The following FNBP1 variants were observed in gnomAD, a reference collection of about 807,000 sequenced individuals.
FNBP1 encodes the protein formin-binding protein 1.
In FNBP1, 26 loss-of-function variants were observed where a neutral mutation model predicts 90.6. The ratio of observed to expected loss-of-function variants is 0.29; its 90% CI spans 0.21 to 0.40. FNBP1 has a LOEUF of 0.40. Among genes scored for constraint, FNBP1 ranks in the 10% least tolerant of loss-of-function variants. The pLI is 1.00. For synonymous variants in FNBP1, 260 were observed against 265.2 expected, an observed-to-expected ratio of 0.98 and a Z score of 0.19; for missense variants, 635 against 768.0, an observed-to-expected ratio of 0.83 and a Z score of 2.05.
intron 16 of FNBP1, among the ~76,000 whole-genome samples, chr9:129,892,376 C>G (rs1324175920): frequency 6.1e-5 from 4 of 65,842 alleles, no homozygotes; most frequent in Non-Finnish European, 1.3e-4. Flanking sequence ...GACACACACA[C>G]ACACACACAC....
intron 6 of FNBP1, among the ~76,000 whole-genome samples, chr9:129,955,661 T>C (rs1476704422): frequency 6.6e-6 from 1 of 151,736 alleles, no homozygotes; most frequent in Non-Finnish European, 1.5e-5. Flanking sequence ...ACAGAGGTTG[T>C]TGTTAGCCAA....
intron 6 of FNBP1, among the ~76,000 whole-genome samples, chr9:129,951,383 C>G (rs1048251183): frequency 4.6e-5 from 7 of 151,972 alleles, no homozygotes; most frequent in African/African-American, 1.7e-4. Context: ...TGTGAGCCAT[C>G]ATGCCCAGGT....
intron 6 of FNBP1, among the ~76,000 whole-genome samples, chr9:129,941,034 G>T (rs2044244123): frequency 1.3e-5 from 2 of 152,238 alleles, no homozygotes; most frequent in Admixed American, 1.3e-4. Context: ...ATACCAAAGG[G>T]AAATACAAGG....
At chr9:130,011,825 G>A (rs564363201) in intron 1 of FNBP1, among the ~76,000 whole-genome samples, 3 of 152,232 alleles carry the variant, frequency 2.0e-5, no homozygotes, top group South Asian at 4.1e-4. Flanking sequence ...ATATATTATA[G>A]ATATATCAAT....
rs2059801346 is a variant in FNBP1, at chr9:130,041,288, ATTCAC to A, written c.24+1659_24+1663del. Among the ~76,000 whole-genome samples, 1 of 152,070 alleles carries A rather than the reference ATTCAC, an allele frequency of 6.6e-6. No individual in the cohort carries two copies. The highest frequency in any genetic ancestry group is 6.6e-5 in the Admixed American group (1 of 15,252). ...TCTCTTTGGAATTATATTCTATCCCATTCACCAACATCACTGAACTGTCCACCAAG... is the reference window on the plus strand; with the variant it reads ...TCTCTTTGGAATTATATTCTATCCCACAACATCACTGAACTGTCCACCAAG... On this transcript the variant is annotated intron_variant, in intron 1 of 16. Transcript: ENST00000446176. This position sits in a 1 kb window ranked among gnomAD's most constrained non-coding sequence, Gnocchi z 4.3.
chr9:129,888,484 C>T lies in FNBP1; in HGVS notation c.*2055G>A, dbSNP rs757001814. 2 of 232,800 alleles carry T rather than the reference C, an allele frequency of 8.6e-6. No individual in the cohort carries two copies. Among genetic ancestry groups the T allele is most frequent in the Non-Finnish European group, 1.7e-5 (2 of 117,766 alleles). The allele number at this position is 232,800 out of a possible 1,614,324, so 14.4% of individuals were successfully genotyped here. A position where few individuals can be genotyped will look rare whatever the true frequency, so the allele number is the denominator to read the frequency against. Reference sequence around the variant, plus strand: ...CCTGACTCTTCTCACCCTGTGTCATCCGGGCTTGTCTTTCGTCTGTCAAGT... The same window carrying T: ...CCTGACTCTTCTCACCCTGTGTCATTCGGGCTTGTCTTTCGTCTGTCAAGT... On this transcript the variant is annotated 3_prime_UTR_variant, in exon 17 of 17. Coordinates refer to ENST00000446176, the MANE Select transcript of FNBP1 (RefSeq NM_015033.3).
At chr9:130,017,826 T>C (rs182761416) in intron 1 of FNBP1, among the ~76,000 whole-genome samples, 1 of 137,210 alleles carries the variant, frequency 7.3e-6, no homozygotes, top group South Asian at 2.6e-4. Context: ...TGAGACTCCA[T>C]CAAAAAAATA....
intron 1 of FNBP1, chr9:130,013,670 TA>T (rs775682887): frequency 9.7e-5 from 44 of 454,388 alleles, no homozygotes; most frequent in East Asian, 1.4e-4. Context: ...TAATTCATGC[TA>T]AAAAAAATAT....
chr9:129,973,924 C>T (rs1159746570), intron 4 of FNBP1, among the ~76,000 whole-genome samples: 1 of 151,868 alleles, frequency 6.6e-6, no homozygotes, highest in Non-Finnish European at 1.5e-5. Context: ...AATTCTTGTA[C>T]CTCAGCCTCC....
At chr9:129,929,495 G>T in intron 7 of FNBP1, 72 bp downstream of exon 7, 2 of 1,358,154 alleles carry the variant, frequency 1.5e-6, no homozygotes, top group South Asian at 1.3e-5. Context: ...CAGCAATCAC[G>T]ATTCAGAAGT....
chr9:129,921,850 T>C (rs1447993396), intron 10 of FNBP1, among the ~76,000 whole-genome samples: 1 of 152,208 alleles, frequency 6.6e-6, no homozygotes, highest in Non-Finnish European at 1.5e-5. Flanking sequence ...AGTTGTAGTT[T>C]AGAATCTTTT....
intron 16 of FNBP1, among the ~76,000 whole-genome samples, chr9:129,894,791 G>A (rs1380115204): frequency 1.3e-5 from 2 of 152,196 alleles, no homozygotes; most frequent in African/African-American, 4.8e-5. Flanking sequence ...CAGGTGCGGT[G>A]GCTCACGCCT....
intron 1 of FNBP1, among the ~76,000 whole-genome samples, chr9:130,000,585 AT>A (rs1420771513): frequency 1.3e-5 from 2 of 151,986 alleles, no homozygotes; most frequent in African/African-American, 2.4e-5. Flanking sequence ...CTTGTAAAAT[AT>A]TTTTTTTGAA....
At chr9:129,909,064 G>A (rs200987010) in intron 11 of FNBP1, 65 bp from the exon 12 acceptor site, 154 of 1,081,510 alleles carry the variant, frequency 1.4e-4, no homozygotes, top group Non-Finnish European at 2.1e-5. Context: ...AAGGCTGAAA[G>A]CAAAGCCTGC....
the FNBP1 span, among the ~76,000 whole-genome samples, chr9:130,048,641 G>A: frequency 6.6e-6 from 1 of 150,986 alleles, no homozygotes; most frequent in African/African-American, 2.4e-5. Context: ...ATCACGCCCG[G>A]CTAATTTTTT....
At chr9:129,897,759 G>T (rs146591577) in intron 15 of FNBP1, among the ~76,000 whole-genome samples, 2,689 of 151,720 alleles carry the variant, frequency 0.018, 32 homozygotes, top group Middle Eastern at 0.024. Flanking sequence ...CTTCTTTCAT[G>T]GCCTCCTTAT....
chr9:129,977,111 A>G (rs2050447454), intron 4 of FNBP1, among the ~76,000 whole-genome samples: 1 of 151,628 alleles, frequency 6.6e-6, no homozygotes, highest in African/African-American at 2.4e-5. Flanking sequence ...GGGAGTCGAG[A>G]TCGCACCACT....
At chr9:129,912,690 CAAAA>C (rs35355384) in intron 11 of FNBP1, among the ~76,000 whole-genome samples, 1 of 108,260 alleles carries the variant, frequency 9.2e-6, no homozygotes. Context: ...AACTCCATCT[CAAAA>C]AAAAAAAAAA....
intron 4 of FNBP1, among the ~76,000 whole-genome samples, chr9:129,958,889 G>A (rs2047344511): frequency 6.8e-6 from 1 of 146,804 alleles, no homozygotes; most frequent in Non-Finnish European, 1.5e-5. Flanking sequence ...GGCTGAGGTG[G>A]GAGGATCACC....
Sources: allele counts gnomAD v4.1 joint callset (sites outside exome capture counted in the v4.1 genomes callset), GRCh38; gene constraint gnomAD v4.1.1; non-coding constraint Gnocchi (gnomAD v3.1); transcripts MANE v1.5; gene names NCBI Gene and HGNC (gene_info 2026-07-23, HGNC 2026-07-21).